NWD2: variants seen among roughly 807,000 people sequenced by gnomAD.
NWD2 encodes the protein NACHT and WD repeat domain-containing protein 2.
Under a neutral mutation model 132.7 loss-of-function variants are expected in NWD2, and 37 were observed. The ratio of observed to expected loss-of-function variants is 0.28; its 90% CI spans 0.21 to 0.37. The LOEUF is 0.37. Ranked by LOEUF, NWD2 falls within the 10% of genes least tolerant of loss-of-function variation. The pLI is 1.00. For missense variants in NWD2, 1,592 were observed against 2,122.4 expected, an observed-to-expected ratio of 0.75 and a Z score of 4.91; for synonymous variants, 705 against 803.0, an observed-to-expected ratio of 0.88 and a Z score of 2.06.
intron 1 of NWD2, among the ~76,000 whole-genome samples, chr4:37,282,895 G>C (rs1024783821): frequency 5.3e-5 from 8 of 152,142 alleles, no homozygotes; most frequent in African/African-American, 1.9e-4. Flanking sequence ...AACAGGTACT[G>C]TTTATAACAC....
intron 6 of NWD2, among the ~76,000 whole-genome samples, chr4:37,440,719 C>A (rs1253126064): frequency 6.6e-6 from 1 of 152,180 alleles, no homozygotes; most frequent in African/African-American, 2.4e-5. Flanking sequence ...GTTTTCAGAA[C>A]CTCCCTTTCA....
chr4:37,312,000 G>A (rs1230250509), intron 1 of NWD2, among the ~76,000 whole-genome samples: 1 of 151,976 alleles, frequency 6.6e-6, no homozygotes, highest in Non-Finnish European at 1.5e-5. Flanking sequence ...CTCTGTTTTG[G>A]TACCAGGACC....
chr4:37,311,575 T>G (rs771231207), intron 1 of NWD2, among the ~76,000 whole-genome samples: 6 of 149,100 alleles, frequency 4.0e-5, no homozygotes, highest in African/African-American at 2.6e-5. Context: ...TTTCTCCCAT[T>G]TTGTAGGTTG....
intron 5 of NWD2, 108 bp from the exon 6 acceptor site, chr4:37,438,693 C>A: frequency 1.3e-6 from 1 of 762,212 alleles, no homozygotes. Context: ...TCGCTACAAA[C>A]CATAAGCAAA....
At chr4:37,364,088 A>G (rs142521301) in intron 3 of NWD2, among the ~76,000 whole-genome samples, 1 of 152,226 alleles carries the variant, frequency 6.6e-6, no homozygotes, top group African/African-American at 2.4e-5. Context: ...CAGTGAGCCA[A>G]GATCACACCA....
At chr4:37,429,118 T>C (rs919989823) in intron 3 of NWD2, among the ~76,000 whole-genome samples, 9 of 152,138 alleles carry the variant, frequency 5.9e-5, no homozygotes, top group African/African-American at 2.2e-4. Context: ...AGGTTTTTAA[T>C]AAAAAATAAT....
chr4:37,375,053 A>T (rs1249097859), intron 3 of NWD2, among the ~76,000 whole-genome samples: 1 of 152,220 alleles, frequency 6.6e-6, no homozygotes, highest in African/African-American at 2.4e-5. Context: ...TGCTTCCAAA[A>T]CATGGGCAAG....
At position 37,444,680 on chromosome 4, in the gene NWD2, A is replaced by G; in HGVS notation, c.2692A>G (p.Ser898Gly). 6.4e-7 allele frequency: 1 copy of G among 1,552,248 alleles called. No individual in the cohort carries two copies. The highest frequency in any genetic ancestry group is 8.7e-7 in the Non-Finnish European group (1 of 1,147,118). Residue 898 changes from serine to glycine, a missense_variant, in exon 7 of 7, where the codon AGC becomes GGC. Ser to Gly is a moderately conservative substitution (Grantham distance 56, BLOSUM62 0). Around this residue, in one of 7 missense-constraint regions of NWD2, gnomAD observed 1,071 missense variants for 1,398.0 expected, o/e 0.77. Transcript: ENST00000309447. This position sits in a 1 kb window ranked among gnomAD's most constrained non-coding sequence, Gnocchi z 4.8. ...GAAGTTCCTGGCCAACACCCTCCGC[A>G]GCATCAAAAACAAGGTCACTGCATT... ...ELKFLANTLR[S>G]IKNKVTAFPG...
intron 5 of NWD2, among the ~76,000 whole-genome samples, chr4:37,435,794 T>C (rs1199951182): frequency 6.6e-6 from 1 of 152,126 alleles, no homozygotes; most frequent in African/African-American, 2.4e-5. Flanking sequence ...AGTGGAGTGT[T>C]TTCTGCTTGG....
intron 1 of NWD2, among the ~76,000 whole-genome samples, chr4:37,303,231 T>C (rs1229720948): frequency 6.6e-6 from 1 of 152,196 alleles, no homozygotes; most frequent in African/African-American, 2.4e-5. Context: ...GTATGTTCTG[T>C]TCACCTTTGT....
At chr4:37,262,190 C>T (rs1311606329) in intron 1 of NWD2, among the ~76,000 whole-genome samples, 1 of 152,192 alleles carries the variant, frequency 6.6e-6, no homozygotes, top group Non-Finnish European at 1.5e-5. Context: ...CATGTGGAGC[C>T]AGCATGTTAT....
intron 3 of NWD2, among the ~76,000 whole-genome samples, chr4:37,408,112 A>G (rs984030618): frequency 1.4e-4 from 22 of 152,192 alleles, no homozygotes; most frequent in African/African-American, 5.1e-4. Context: ...TTGGGCAGAC[A>G]CTGAACTAGC....
intron 2 of NWD2, among the ~76,000 whole-genome samples, chr4:37,350,450 G>A (rs1719737678): frequency 6.6e-6 from 1 of 152,140 alleles, no homozygotes. Flanking sequence ...TAGCTATTGT[G>A]AATGGGAATT....
chr4:37,352,274 G>T (rs1719784070), intron 2 of NWD2, among the ~76,000 whole-genome samples: 2 of 152,250 alleles, frequency 1.3e-5, no homozygotes, highest in Middle Eastern at 3.4e-3. Context: ...TATTGACAGA[G>T]GGATATTAAA....
intron 1 of NWD2, among the ~76,000 whole-genome samples, chr4:37,285,679 AGGTTT>A (rs1014087640): frequency 2.8e-4 from 42 of 152,268 alleles, no homozygotes; most frequent in African/African-American, 1.0e-3. Flanking sequence ...TTTCTAAATT[AGGTTT>A]GGTTAATATA....
At chr4:37,426,225 G>A (rs1191750823) in intron 3 of NWD2, among the ~76,000 whole-genome samples, 1 of 152,162 alleles carries the variant, frequency 6.6e-6, no homozygotes, top group East Asian at 1.9e-4. Context: ...AGCAAGATAA[G>A]ACTGAGGTAG....
intron 3 of NWD2, among the ~76,000 whole-genome samples, chr4:37,386,779 T>A (rs1684537907): frequency 1.3e-5 from 2 of 149,566 alleles, no homozygotes; most frequent in African/African-American, 5.1e-5. Flanking sequence ...GGTGGGTCTC[T>A]CATGAATGAG....
intron 1 of NWD2, among the ~76,000 whole-genome samples, chr4:37,287,761 A>G (rs1175575554): frequency 1.3e-5 from 2 of 152,170 alleles, no homozygotes; most frequent in Non-Finnish European, 2.9e-5. Context: ...ATTTCCCCCT[A>G]GTGAAGCACA....
intron 1 of NWD2, among the ~76,000 whole-genome samples, chr4:37,315,280 G>A (rs191559677): frequency 6.6e-6 from 1 of 152,180 alleles, no homozygotes; most frequent in Admixed American, 6.5e-5. Context: ...TTCTATAAAT[G>A]TCAGGTTAAA....
Sources: allele counts gnomAD v4.1 joint callset (sites outside exome capture counted in the v4.1 genomes callset), GRCh38; gene constraint gnomAD v4.1.1; regional missense constraint gnomAD v4.1.1; non-coding constraint Gnocchi (gnomAD v3.1); transcripts MANE v1.5; gene names NCBI Gene and HGNC (gene_info 2026-07-23, HGNC 2026-07-21).